MPDZ: variants seen among roughly 807,000 people sequenced by gnomAD.
MPDZ encodes the protein multiple PDZ domain crumbs cell polarity complex component, also known as multiple PDZ domain protein.
In MPDZ, 234 loss-of-function variants were observed where a neutral mutation model predicts 239.1. That is an observed-to-expected ratio of 0.98 (90% CI 0.88 to 1.09). The LOEUF is 1.09. Ranked by LOEUF, MPDZ falls within the 50% of genes least tolerant of loss-of-function variation. The probability of loss-of-function intolerance (pLI) is 0.00; values close to 1 mark genes in which losing one functional copy is unlikely to be tolerated. For synonymous variants in MPDZ, 1,048 were observed against 881.3 expected, an observed-to-expected ratio of 1.19 and a Z score of -3.35; for missense variants, 3,175 against 2,510.0, an observed-to-expected ratio of 1.26 and a Z score of -5.66.
rs768950040 is a variant in MPDZ at position 13,250,270 on chromosome 9, T to C, written c.16+30A>G. 3.8e-6 allele frequency: 6 copies of C among 1,586,018 alleles called. No homozygotes were observed. In the African/African-American group the frequency reaches 5.4e-5, roughly 14 times the overall value. ...CCAATGGGAGGAGTTACAATTCTTA[T>C]AAAAGTAGGCAGAAAAGAATAAGTC... is the stretch of plus-strand genomic sequence containing the variant. On this transcript the variant is annotated intron_variant, in intron 2 of 46. Transcript: ENST00000319217.
intron 1 of MPDZ, among the ~76,000 whole-genome samples, chr9:13,273,107 G>A (rs551777311): frequency 6.6e-6 from 1 of 152,236 alleles, no homozygotes; most frequent in East Asian, 1.9e-4. Flanking sequence ...TCATCTATGA[G>A]GCCCTCACCA....
At chr9:13,225,981 G>A (rs958544491) in intron 3 of MPDZ, among the ~76,000 whole-genome samples, 1 of 152,030 alleles carries the variant, frequency 6.6e-6, no homozygotes, top group African/African-American at 2.4e-5. Flanking sequence ...AGATTTCAGA[G>A]ACTCTCTAAG....
intron 23 of MPDZ, among the ~76,000 whole-genome samples, chr9:13,162,237 C>T (rs1950571492): frequency 6.7e-6 from 1 of 150,026 alleles, no homozygotes; most frequent in Non-Finnish European, 1.5e-5. Flanking sequence ...GTACTCTAGC[C>T]TGAGCAACAG....
intron 1 of MPDZ, among the ~76,000 whole-genome samples, chr9:13,254,733 C>T (rs139932623): frequency 6.6e-6 from 1 of 152,094 alleles, no homozygotes; most frequent in East Asian, 1.9e-4. Flanking sequence ...ATTAAATGTG[C>T]AGTAGCATTA....
At chr9:13,121,033 T>A (rs1473592933) in intron 38 of MPDZ, among the ~76,000 whole-genome samples, 1 of 152,230 alleles carries the variant, frequency 6.6e-6, no homozygotes, top group African/African-American at 2.4e-5. Flanking sequence ...ATATCACTTA[T>A]AAATGAGTTT....
At chr9:13,164,465 G>A (rs920865618) in intron 22 of MPDZ, among the ~76,000 whole-genome samples, 3 of 152,026 alleles carry the variant, frequency 2.0e-5, no homozygotes, top group African/African-American at 7.2e-5. Context: ...TATTCCTAAA[G>A]ATTCAGTAAA....
At position 13,209,137 on chromosome 9, in the gene MPDZ, A is replaced by C. The variant is rs142690965; in HGVS notation, c.1291-3038T>G. On this transcript the variant is annotated intron_variant, in intron 10 of 46. Transcript: ENST00000319217. ...AAAAAACAAAAAACACCCTCTCATT[A>C]AGTGAGGCAATCAGATGGTATATGT... Among the ~76,000 whole-genome samples the C allele has an allele frequency of 1.2e-3, 176 of 152,282 alleles. 1 individual carries two copies. The highest frequency in any genetic ancestry group is 4.2e-3 in the African/African-American group (175 of 41,572).
At chr9:13,251,940 G>A (rs900195652) in intron 1 of MPDZ, among the ~76,000 whole-genome samples, 3 of 152,146 alleles carry the variant, frequency 2.0e-5, no homozygotes, top group South Asian at 4.2e-4. Context: ...CTTGAGCAAG[G>A]GACCTATCAT....
chr9:13,121,784 T>G lies in MPDZ; in HGVS notation c.5186A>C (p.Gln1729Pro). Residue 1729 changes from glutamine (Q) to proline (P), a missense_variant, in exon 38 of 47, where the codon CAG becomes CCG. Transcript: ENST00000319217. ...EVCDTLTIEL[Q>P]KKPGKGLGLS... ...TCCTAGGCCTTTTCCCGGCTTCTTC[T>G]GCAGCTCAATAGTGAGGGTGTCACA... is the stretch of plus-strand genomic sequence containing the variant. 6.2e-7 allele frequency: 1 copy of G among 1,614,016 alleles called. No individual in the cohort carries two copies. Among genetic ancestry groups the G allele is most frequent in the Non-Finnish European group, 8.5e-7 (1 of 1,179,888 alleles).
chr9:13,165,552 C>A, intron 22 of MPDZ: 1 of 720,848 alleles, frequency 1.4e-6, no homozygotes, highest in Non-Finnish European at 2.2e-6. Context: ...CACCTCCCTC[C>A]CATCTACACC....
At chr9:13,107,812 TA>T (rs754060136) in intron 46 of MPDZ, among the ~76,000 whole-genome samples, 4 of 152,116 alleles carry the variant, frequency 2.6e-5, no homozygotes, top group Non-Finnish European at 5.9e-5. Flanking sequence ...ATTATGCAAT[TA>T]AATATAAAAT....
rs113080384 is a variant in MPDZ, at chr9:13,174,410, T to C, written c.3055+1342A>G. On this transcript the variant is annotated intron_variant, in intron 21 of 46. Coordinates refer to ENST00000319217, the MANE Select transcript of MPDZ (RefSeq NM_001378778.1). ...TAGAATAATAGTTCTCAGATAGGCT[T>C]TGCAAAATCTCTGCCTTATCAATTA... Among the ~76,000 whole-genome samples, 1,116 of 152,282 alleles carry C rather than the reference T, an allele frequency of 7.3e-3. 14 individuals carry two copies. The highest frequency in any genetic ancestry group is 0.026 in the African/African-American group (1,070 of 41,564).
intron 26 of MPDZ, among the ~76,000 whole-genome samples, chr9:13,145,139 GCA>G (rs1948258611): frequency 6.6e-6 from 1 of 152,008 alleles, no homozygotes; most frequent in South Asian, 2.1e-4. Flanking sequence ...TATAGCATAG[GCA>G]CAGCAGACGA....
At chr9:13,181,869 C>G (rs962316556) in intron 19 of MPDZ, among the ~76,000 whole-genome samples, 23 of 152,160 alleles carry the variant, frequency 1.5e-4, no homozygotes, top group Non-Finnish European at 4.4e-5. Flanking sequence ...GAGATGAACT[C>G]AGCTTCCAGC....
At chr9:13,139,514 C>T (rs560770749) in intron 28 of MPDZ, among the ~76,000 whole-genome samples, 1 of 152,272 alleles carries the variant, frequency 6.6e-6, no homozygotes, top group South Asian at 2.1e-4. Flanking sequence ...TAGGCTAAAG[C>T]TTAGAGACAG....
intron 1 of MPDZ, among the ~76,000 whole-genome samples, chr9:13,265,927 A>T (rs1051177386): frequency 2.6e-5 from 4 of 152,182 alleles, no homozygotes; most frequent in African/African-American, 9.7e-5. Flanking sequence ...ATACCTCCCC[A>T]TCCAACTTCA....
chr9:13,198,737 C>CTCTCTGTGTGTGTGTGTGTG (rs755487892), intron 12 of MPDZ, among the ~76,000 whole-genome samples: 2,440 of 68,982 alleles, frequency 0.035, 121 homozygotes, highest in Admixed American at 0.058. Flanking sequence ...ATCTCTCTCT[C>CTCTCTGTGTGTGTGTGTGTG]TGTGTGTGTG....
intron 12 of MPDZ, among the ~76,000 whole-genome samples, chr9:13,201,482 C>T (rs1052715809): frequency 5.3e-5 from 8 of 151,934 alleles, no homozygotes; most frequent in Non-Finnish European, 8.8e-5. Flanking sequence ...GAGAAATTTT[C>T]AGCTACTATT....
intron 3 of MPDZ, among the ~76,000 whole-genome samples, chr9:13,230,675 G>A (rs1962136903): frequency 6.6e-6 from 1 of 152,226 alleles, no homozygotes; most frequent in Non-Finnish European, 1.5e-5. Flanking sequence ...TATTTGTGGT[G>A]ATAAAATAGA....
Sources: allele counts gnomAD v4.1 joint callset (sites outside exome capture counted in the v4.1 genomes callset), GRCh38; gene constraint gnomAD v4.1.1; transcripts MANE v1.5; gene names NCBI Gene and HGNC (gene_info 2026-07-23, HGNC 2026-07-21).